PRKCA: variants seen among roughly 807,000 people sequenced by gnomAD.
The protein encoded by PRKCA is protein kinase C alpha.
PRKCA carries 27 observed loss-of-function variants against 87.0 expected under a neutral mutation model. The ratio of observed to expected loss-of-function variants is 0.31; its 90% CI spans 0.23 to 0.43. PRKCA has a LOEUF of 0.43. Ranked by LOEUF, PRKCA falls within the 20% of genes least tolerant of loss-of-function variation. The pLI, the probability that PRKCA is intolerant of heterozygous loss-of-function variation, is 1.00. For missense variants in PRKCA, 518 were observed against 852.3 expected, an observed-to-expected ratio of 0.61 and a Z score of 4.88; for synonymous variants, 329 against 311.1, an observed-to-expected ratio of 1.06 and a Z score of -0.61.
intron 5 of PRKCA, among the ~76,000 whole-genome samples, chr17:66,654,736 G>T (rs890932685): frequency 6.6e-6 from 1 of 152,218 alleles, no homozygotes; most frequent in Non-Finnish European, 1.5e-5. Flanking sequence ...CTGGGGGTGA[G>T]GGTCTGTCCT....
chr17:66,735,720 C>G, intron 10 of PRKCA, 58 bp downstream of exon 10: 1 of 1,553,384 alleles, frequency 6.4e-7, no homozygotes, highest in Non-Finnish European at 8.8e-7. Flanking sequence ...TACGCCTCAG[C>G]CCAAAGCTTC....
At chr17:66,381,096 C>T (rs11079655) in intron 2 of PRKCA, among the ~76,000 whole-genome samples, 6,874 of 151,970 alleles carry the variant, frequency 0.045, 222 homozygotes, top group Admixed American at 0.078. Flanking sequence ...CAAGCCACCA[C>T]GCCCAGCTAA....
chr17:66,771,563 G>C (rs1445084415), intron 13 of PRKCA, among the ~76,000 whole-genome samples: 3 of 152,090 alleles, frequency 2.0e-5, no homozygotes, highest in Non-Finnish European at 4.4e-5. Flanking sequence ...TTTCTGGATA[G>C]TGATCATAAA....
At chr17:66,777,420 TTCCCCTC>T in intron 14 of PRKCA, 1 of 962,000 alleles carries the variant, frequency 1.0e-6, no homozygotes, top group Non-Finnish European at 1.2e-6. Context: ...ATTTATTTAG[TTCCCCTC>T]CCCCCACCCC....
chr17:66,317,580 G>A (rs1204168867), intron 2 of PRKCA, among the ~76,000 whole-genome samples: 1 of 151,816 alleles, frequency 6.6e-6, no homozygotes, highest in Non-Finnish European at 1.5e-5. Flanking sequence ...AGTTGCTGAA[G>A]CTGTACAGAT....
intron 2 of PRKCA, among the ~76,000 whole-genome samples, chr17:66,390,711 C>A (rs1910312201): frequency 6.6e-6 from 1 of 152,194 alleles, no homozygotes; most frequent in Admixed American, 6.5e-5. Context: ...AAAGGAGCTT[C>A]ATGGGGACTT....
chr17:66,481,976 C>G (rs1242498334), intron 2 of PRKCA, among the ~76,000 whole-genome samples: 4 of 151,472 alleles, frequency 2.6e-5, no homozygotes, highest in African/African-American at 9.7e-5. Flanking sequence ...TGGTGGGCAC[C>G]TGTAATCCCA....
At chr17:66,331,739 G>A (rs570038335) in intron 2 of PRKCA, among the ~76,000 whole-genome samples, 54 of 152,288 alleles carry the variant, frequency 3.5e-4, no homozygotes, top group African/African-American at 1.2e-3. Flanking sequence ...GAAGTGGAGC[G>A]ACCGAGAGAA....
At chr17:66,457,304 G>A (rs1914615871) in intron 2 of PRKCA, among the ~76,000 whole-genome samples, 2 of 152,070 alleles carry the variant, frequency 1.3e-5, no homozygotes, top group Admixed American at 1.3e-4. Flanking sequence ...TGGCATTTGG[G>A]GTGAAGAGAT....
chr17:66,796,503 C>T (rs780794409), intron 16 of PRKCA: 12 of 985,208 alleles, frequency 1.2e-5, no homozygotes, highest in South Asian at 4.7e-5. Context: ...TCGGTGAGCA[C>T]GTTTCCAGAA....
chr17:66,585,810 C>G (rs1969577739), intron 3 of PRKCA, among the ~76,000 whole-genome samples: 1 of 152,230 alleles, frequency 6.6e-6, no homozygotes, highest in Non-Finnish European at 1.5e-5. Flanking sequence ...GTGACGGTGT[C>G]TACCCCTCTG....
At position 66,774,043 on chromosome 17, in the gene PRKCA, G is replaced by A; in HGVS notation, c.1581G>A (p.Leu527=). The A allele has an allele frequency of 6.2e-7, 1 of 1,614,078 alleles. No homozygotes were observed. The highest frequency in any genetic ancestry group is 8.5e-7 in the Non-Finnish European group (1 of 1,180,026). ...TGGACTGGTGGGCCTATGGCGTCCT[G>A]TTGTATGAAATGCTTGCCGGGCAGG... The part of the protein sequence containing the change: ...KSVDWWAYGV[L]LYEMLAGQPP... The change falls in exon 14 of 17, where the codon CTG becomes CTA. Residue 527 remains leucine, a synonymous_variant. Transcript: ENST00000413366.
intron 3 of PRKCA, among the ~76,000 whole-genome samples, chr17:66,534,578 A>C (rs2143070918): frequency 6.6e-6 from 1 of 152,172 alleles, no homozygotes; most frequent in Middle Eastern, 3.4e-3. Context: ...GAGGCAGGAG[A>C]ATGGCGTGAA....
chr17:66,495,265 T>C (rs1405093956), intron 2 of PRKCA, among the ~76,000 whole-genome samples: 1 of 152,172 alleles, frequency 6.6e-6, no homozygotes, highest in East Asian at 1.9e-4. Context: ...ACAGAATCTG[T>C]AGCAAAAAGA....
At chr17:66,333,120 C>T (rs975860134) in intron 2 of PRKCA, among the ~76,000 whole-genome samples, 2 of 152,148 alleles carry the variant, frequency 1.3e-5, no homozygotes, top group African/African-American at 2.4e-5. Flanking sequence ...GACCAGTTAC[C>T]TCTGTTTCAT....
At chr17:66,626,564 G>C (rs1228519495) in intron 3 of PRKCA, among the ~76,000 whole-genome samples, 1 of 151,622 alleles carries the variant, frequency 6.6e-6, no homozygotes, top group African/African-American at 2.4e-5. Flanking sequence ...TGGAGACGGG[G>C]TTTCACCATG....
intron 8 of PRKCA, among the ~76,000 whole-genome samples, chr17:66,701,683 C>T (rs886854847): frequency 6.6e-6 from 1 of 152,058 alleles, no homozygotes; most frequent in African/African-American, 2.4e-5. Flanking sequence ...CAAAATAAGA[C>T]ATACAAATGG....
At chr17:66,552,637 A>G (rs11079659) in intron 3 of PRKCA, among the ~76,000 whole-genome samples, 91,120 of 152,068 alleles carry the variant, frequency 0.6, 28,726 homozygotes, top group African/African-American at 0.81. Flanking sequence ...CACCCAAGCC[A>G]AGATTGCACT....
intron 2 of PRKCA, among the ~76,000 whole-genome samples, chr17:66,426,551 T>G (rs1460225740): frequency 6.6e-6 from 1 of 152,008 alleles, no homozygotes; most frequent in African/African-American, 2.4e-5. Flanking sequence ...GGAGGAAGAT[T>G]ATTGTAGCAC....
Sources: gnomAD v4.1 joint callset for allele counts (sites outside exome capture counted in the v4.1 genomes callset) on GRCh38, gnomAD v4.1.1 for gene constraint, MANE v1.5 for transcripts, NCBI Gene and HGNC (gene_info 2026-07-23, HGNC 2026-07-21) for gene names.